The following CREB5 variants were observed in gnomAD, a reference collection of about 807,000 sequenced individuals.
CREB5 encodes the protein cyclic AMP-responsive element-binding protein 5.
In CREB5, 19 loss-of-function variants were observed where a neutral mutation model predicts 57.1. The ratio of observed to expected loss-of-function variants is 0.33; its 90% CI spans 0.23 to 0.49. CREB5 has a LOEUF of 0.49. Ranked by LOEUF, CREB5 falls within the 20% of genes least tolerant of loss-of-function variation. The pLI is 0.99. For synonymous variants in CREB5, 238 were observed against 238.3 expected, an observed-to-expected ratio of 1.00 and a Z score of 0.01; for missense variants, 579 against 671.6, an observed-to-expected ratio of 0.86 and a Z score of 1.52.
At chr7:28,720,775 A>G (rs897601581) in intron 6 of CREB5, among the ~76,000 whole-genome samples, 2 of 152,192 alleles carry the variant, frequency 1.3e-5, no homozygotes, top group African/African-American at 4.8e-5. Flanking sequence ...CTACGTGAAG[A>G]CTTCCACCAC....
intron 5 of CREB5, among the ~76,000 whole-genome samples, chr7:28,715,174 T>C (rs568049952): frequency 3.3e-5 from 5 of 152,298 alleles, no homozygotes; most frequent in African/African-American, 7.2e-5. Context: ...TCAAAAGAAA[T>C]GAACTGTGAA....
intron 5 of CREB5, among the ~76,000 whole-genome samples, chr7:28,606,338 T>TTTTACAATTTACAAAA (rs150564323): frequency 0.029 from 4,416 of 152,294 alleles, 236 homozygotes; most frequent in African/African-American, 0.1. Flanking sequence ...TTATTTACAA[T>TTTTACAATTTACAAAA]TTTACAATTT....
chr7:28,415,082 G>A (rs1252165948), intron 1 of CREB5, among the ~76,000 whole-genome samples: 1 of 151,822 alleles, frequency 6.6e-6, no homozygotes, highest in Admixed American at 6.6e-5. Flanking sequence ...TTTCCTTAAG[G>A]TTACATTTCT....
At chr7:28,672,658 C>G (rs572739121) in intron 5 of CREB5, among the ~76,000 whole-genome samples, 5 of 152,086 alleles carry the variant, frequency 3.3e-5, no homozygotes, top group Admixed American at 3.3e-4. Context: ...AAGCCAACAA[C>G]GAATTCAGGG....
chr7:28,615,151 T>C (rs1797547460), intron 5 of CREB5: 1 of 152,208 alleles, frequency 6.6e-6, no homozygotes, highest in Admixed American at 6.5e-5. Context: ...TGTGAGTCTT[T>C]AGGAGTTGGT....
intron 1 of CREB5, among the ~76,000 whole-genome samples, chr7:28,416,335 G>GCAA (rs376526954): frequency 6.6e-5 from 10 of 152,072 alleles, no homozygotes; most frequent in Admixed American, 6.5e-5. Flanking sequence ...AAAAATACAT[G>GCAA]CAACAACAAC....
intron 5 of CREB5, among the ~76,000 whole-genome samples, chr7:28,648,908 A>G (rs1418299539): frequency 6.6e-6 from 1 of 152,160 alleles, no homozygotes; most frequent in Non-Finnish European, 1.5e-5. Flanking sequence ...TCTCTTTCCA[A>G]TTAAAGCTAT....
At chr7:28,349,159 A>T (rs1385386444) in intron 1 of CREB5, among the ~76,000 whole-genome samples, 1 of 152,122 alleles carries the variant, frequency 6.6e-6, no homozygotes, top group East Asian at 1.9e-4. Context: ...CTGGGTGGAG[A>T]GGAACGGTTT....
intron 5 of CREB5, among the ~76,000 whole-genome samples, chr7:28,571,507 T>G (rs988133578): frequency 9.2e-5 from 14 of 152,134 alleles, no homozygotes; most frequent in Admixed American, 9.2e-4. Flanking sequence ...TTTATGCAAA[T>G]GGTCAATACT....
chr7:28,433,097 A>AT (rs573463973), intron 1 of CREB5, among the ~76,000 whole-genome samples: 1 of 152,074 alleles, frequency 6.6e-6, no homozygotes, highest in South Asian at 2.1e-4. Flanking sequence ...ATCTATTTTG[A>AT]TTTTTTTCCT....
chr7:28,357,785 A>G (rs1268984784), intron 1 of CREB5, among the ~76,000 whole-genome samples: 2 of 152,170 alleles, frequency 1.3e-5, no homozygotes, highest in Non-Finnish European at 2.9e-5. Context: ...AATGCTTGGA[A>G]TAGCATTTAG....
intron 1 of CREB5, among the ~76,000 whole-genome samples, chr7:28,300,627 C>T (rs937446940): frequency 1.1e-4 from 17 of 152,146 alleles, no homozygotes; most frequent in Admixed American, 3.9e-4. Flanking sequence ...GTTGCCAAAA[C>T]GTTTTGAAAC....
chr7:28,747,860 G>A (rs886564316), intron 7 of CREB5, among the ~76,000 whole-genome samples: 2 of 152,136 alleles, frequency 1.3e-5, no homozygotes. Context: ...TGTTAAGGGC[G>A]CCCCTCCCCT....
intron 1 of CREB5, among the ~76,000 whole-genome samples, chr7:28,384,204 G>A (rs1787030409): frequency 6.6e-6 from 1 of 152,170 alleles, no homozygotes; most frequent in Non-Finnish European, 1.5e-5. Context: ...ACGAGCGTCT[G>A]TAGTTAGCAA....
rs549391329 is a variant in CREB5 at position 28,673,657 on chromosome 7, C to CTT, written c.465-45068_465-45067dup. ...GTTGACATGAAGTTTCTCTCTCTCT[C>CTT]TTTTTTTTTTTTTTTTTTTTTTTTT... On this transcript the variant is annotated intron_variant, in intron 5 of 10. Transcript: ENST00000357727. 2.0e-3 allele frequency among the ~76,000 whole-genome samples: 114 copies of CTT among 55,772 alleles called. 2 individuals are homozygous for CTT. The highest frequency in any genetic ancestry group is 3.2e-3 in the African/African-American group (44 of 13,726). The allele number at this position is 55,772 out of a possible 152,430, so 36.6% of individuals were successfully genotyped here. A position where few individuals can be genotyped will look rare whatever the true frequency, so the allele number is the denominator to read the frequency against.
At chr7:28,567,329 A>G (rs1338357520) in intron 4 of CREB5, among the ~76,000 whole-genome samples, 1 of 152,240 alleles carries the variant, frequency 6.6e-6, no homozygotes, top group Non-Finnish European at 1.5e-5. Flanking sequence ...ATACTTGCAG[A>G]TTGCAAGATG....
chr7:28,437,162 T>A (rs1788996831), intron 1 of CREB5, among the ~76,000 whole-genome samples: 1 of 152,152 alleles, frequency 6.6e-6, no homozygotes, highest in African/African-American at 2.4e-5. Flanking sequence ...TTCACACTAC[T>A]GTTTGTGCAT....
chr7:28,817,042 C>A (rs969938117), intron 9 of CREB5, among the ~76,000 whole-genome samples: 1 of 152,092 alleles, frequency 6.6e-6, no homozygotes, highest in Non-Finnish European at 1.5e-5. Flanking sequence ...TATGAGCATG[C>A]CTTTGTGAAT....
At chr7:28,624,772 C>G (rs1178777598) in intron 5 of CREB5, among the ~76,000 whole-genome samples, 1 of 151,622 alleles carries the variant, frequency 6.6e-6, no homozygotes, top group Non-Finnish European at 1.5e-5. Context: ...TGTAACTCTT[C>G]CCTATAAAAG....
Sources: allele counts gnomAD v4.1 joint callset (sites outside exome capture counted in the v4.1 genomes callset), GRCh38; gene constraint gnomAD v4.1.1; transcripts MANE v1.5; gene names NCBI Gene and HGNC (gene_info 2026-07-23, HGNC 2026-07-21).